The following FAT3 variants were observed in gnomAD, a reference collection of about 807,000 sequenced individuals.
FAT3 encodes the protein protocadherin Fat 3.
A neutral mutation model predicts 310.2 loss-of-function variants in FAT3; 95 were observed. That is an observed-to-expected ratio of 0.31 (90% CI 0.26 to 0.36). FAT3 has a LOEUF of 0.36. Among genes scored for constraint, FAT3 ranks in the 10% least tolerant of loss-of-function variants. The pLI is 1.00. For missense variants in FAT3, 5,408 were observed against 5,715.6 expected (o/e 0.95, Z 1.74); for synonymous variants, 2,314 against 2,192.9 (o/e 1.06, Z -1.54).
chr11:92,280,627 A>C (rs1290392370), intron 1 of FAT3, among the ~76,000 whole-genome samples: 1 of 152,170 alleles, frequency 6.6e-6, no homozygotes, highest in Admixed American at 6.5e-5. Context: ...GAACCTCTTA[A>C]AATATTTCAG....
At chr11:92,889,373 G>A in intron 26 of FAT3, 125 bp downstream of exon 26, 1 of 475,800 alleles carries the variant, frequency 2.1e-6, no homozygotes, top group Non-Finnish European at 3.7e-6. Context: ...GATGAGATGT[G>A]GGATATTTAT....
intron 3 of FAT3, among the ~76,000 whole-genome samples, chr11:92,668,195 A>C (rs188045865): frequency 6.6e-6 from 1 of 152,348 alleles, no homozygotes; most frequent in Admixed American, 6.5e-5. Flanking sequence ...ATGAATACAA[A>C]TGAAATACAG....
intron 2 of FAT3, among the ~76,000 whole-genome samples, chr11:92,363,175 G>A (rs1948923882): frequency 6.6e-6 from 1 of 152,204 alleles, no homozygotes; most frequent in African/African-American, 2.4e-5. Flanking sequence ...GCAAACAATT[G>A]AGTAGCTTTT....
At position 92,352,907 on chromosome 11, in the gene FAT3, A is replaced by G. The variant is rs1416149290; in HGVS notation, c.795A>G (p.Thr265=). ...AGCGCATAAATGAACATGCCCCAACAATCCATGTAGTCACTCATGTTCCTT... is the reference window on the plus strand; with the variant it reads ...AGCGCATAAATGAACATGCCCCAACGATCCATGTAGTCACTCATGTTCCTT... ...HIERINEHAP[T]IHVVTHVPFS... is the part of the protein sequence containing the mutation. Residue 265 remains threonine, a synonymous_variant, in exon 2 of 28, where the codon ACA becomes ACG. Transcript: ENST00000525166. 2 of 1,613,916 alleles carry G rather than the reference A, an allele frequency of 1.2e-6. No individual in the cohort carries two copies. The highest frequency in any genetic ancestry group is 2.2e-5 in the East Asian group (1 of 44,862).
chr11:92,801,438 G>T lies in FAT3; in HGVS notation c.8425G>T (p.Asp2809Tyr). 1.9e-6 allele frequency: 3 copies of T among 1,613,808 alleles called. No homozygotes were observed. In the South Asian group the frequency reaches 3.3e-5, roughly 18 times the overall value. Reference protein sequence around the residue: ...DVDIKVLDLNDNKPVFETSSY... With the variant: ...DVDIKVLDLNYNKPVFETSSY... Reference sequence around the variant, plus strand: ...AGATATCAAGGTATTGGATTTGAATGACAACAAGCCAGTCTTTGAAACTTC... The same window carrying T: ...AGATATCAAGGTATTGGATTTGAATTACAACAAGCCAGTCTTTGAAACTTC... The change falls in exon 10 of 28, where the codon GAC becomes TAC. Residue 2809 changes from aspartate (D) to tyrosine (Y), a missense_variant. Coordinates refer to ENST00000525166, the MANE Select transcript of FAT3 (RefSeq NM_001367949.2).
At chr11:92,240,283 C>G in intron 1 of FAT3, among the ~76,000 whole-genome samples, 1 of 151,972 alleles carries the variant, frequency 6.6e-6, no homozygotes. Context: ...ACATTTAAAG[C>G]TTGGAAACAT....
At chr11:92,487,349 C>G (rs1489821125) in intron 2 of FAT3, among the ~76,000 whole-genome samples, 1 of 152,088 alleles carries the variant, frequency 6.6e-6, no homozygotes, top group African/African-American at 2.4e-5. Context: ...TTCTAGATAT[C>G]AGAGAAAAAG....
At chr11:92,693,927 CCTATT>C (rs1244525819) in intron 3 of FAT3, among the ~76,000 whole-genome samples, 3 of 152,120 alleles carry the variant, frequency 2.0e-5, no homozygotes, top group Non-Finnish European at 4.4e-5. Flanking sequence ...AACTAACTAA[CCTATT>C]CATTCATTCA....
At chr11:92,486,038 T>C (rs1418504160) in intron 2 of FAT3, among the ~76,000 whole-genome samples, 1 of 150,800 alleles carries the variant, frequency 6.6e-6, no homozygotes, top group East Asian at 2.0e-4. Context: ...GTTGGCACTG[T>C]ACACTATAGG....
intron 2 of FAT3, among the ~76,000 whole-genome samples, chr11:92,499,300 T>A (rs1952858954): frequency 6.6e-6 from 1 of 152,088 alleles, no homozygotes; most frequent in Admixed American, 6.6e-5. Flanking sequence ...AGTCTCTATA[T>A]GGTGTGGGCT....
Position 92,353,978 on chromosome 11 carries a change from CTTCTT to C in FAT3, c.1869_1873del (p.Phe623LeufsTer12). 6.2e-7 allele frequency: 1 copy of C among 1,612,784 alleles called. No homozygotes were observed. ...AAATCATTTCTGGAAATGAACTTGGCTTCTTTTATTTAAACCCAGATTCTGGTGTT... is the reference window on the plus strand; with the variant it reads ...AAATCATTTCTGGAAATGAACTTGGCTTATTTAAACCCAGATTCTGGTGTT... On this transcript the variant is annotated frameshift_variant, in exon 2 of 28. Transcript: ENST00000525166. LOFTEE classifies it high-confidence loss of function.
At chr11:92,648,326 T>C (rs1942238873) in intron 3 of FAT3, among the ~76,000 whole-genome samples, 2 of 152,224 alleles carry the variant, frequency 1.3e-5, no homozygotes, top group African/African-American at 4.8e-5. Context: ...GGAAGTGCTT[T>C]AATAGTTTTG....
intron 3 of FAT3, among the ~76,000 whole-genome samples, chr11:92,586,842 G>A (rs1338674404): frequency 6.6e-6 from 1 of 151,886 alleles, no homozygotes; most frequent in Non-Finnish European, 1.5e-5. Context: ...TCAGCAACCT[G>A]TTTCTCTGAA....
At chr11:92,426,088 A>G (rs1950626361) in intron 2 of FAT3, among the ~76,000 whole-genome samples, 1 of 152,202 alleles carries the variant, frequency 6.6e-6, no homozygotes, top group Admixed American at 6.5e-5. Flanking sequence ...AACTAGCGTG[A>G]GATGGAATCT....
At chr11:92,317,924 T>C (rs1947507288) in intron 1 of FAT3, among the ~76,000 whole-genome samples, 1 of 152,226 alleles carries the variant, frequency 6.6e-6, no homozygotes, top group Non-Finnish European at 1.5e-5. Flanking sequence ...CCAGCTGTGA[T>C]GGAACTTTGC....
intron 1 of FAT3, among the ~76,000 whole-genome samples, chr11:92,251,862 T>C (rs1227708598): frequency 6.6e-6 from 1 of 152,180 alleles, no homozygotes; most frequent in Non-Finnish European, 1.5e-5. Context: ...TCTTATTTAC[T>C]TTTATCCATT....
chr11:92,499,595 T>A (rs1952868650), intron 2 of FAT3, among the ~76,000 whole-genome samples: 1 of 151,910 alleles, frequency 6.6e-6, no homozygotes, highest in African/African-American at 2.4e-5. Flanking sequence ...AGCAAAAAAA[T>A]TTGCAGAGAC....
intron 4 of FAT3, among the ~76,000 whole-genome samples, chr11:92,698,650 A>G (rs1364956706): frequency 2.6e-5 from 4 of 152,188 alleles, no homozygotes; most frequent in African/African-American, 4.8e-5. Context: ...AAACATTACT[A>G]TCATCTCATA....
intron 3 of FAT3, among the ~76,000 whole-genome samples, chr11:92,540,507 G>T (rs1954411337): frequency 2.6e-5 from 4 of 152,086 alleles, no homozygotes; most frequent in Admixed American, 1.3e-4. Context: ...AATCATAGAG[G>T]GTAAGAAAGT....
Sources: allele counts gnomAD v4.1 joint callset (sites outside exome capture counted in the v4.1 genomes callset), GRCh38; gene constraint gnomAD v4.1.1; transcripts MANE v1.5; gene names NCBI Gene and HGNC (gene_info 2026-07-23, HGNC 2026-07-21).